Variants in DGKI observed in about 807,000 individuals in gnomAD.
DGKI encodes the protein diacylglycerol kinase iota.
A neutral mutation model predicts 147.5 loss-of-function variants in DGKI; 55 were observed. That is an observed-to-expected ratio of 0.37 (90% CI 0.30 to 0.47). The LOEUF (loss-of-function observed/expected upper bound fraction) is 0.47. Ranked by LOEUF, DGKI falls within the 20% of genes least tolerant of loss-of-function variation. The pLI is 1.00. For synonymous variants in DGKI, 469 were observed against 477.1 expected (o/e 0.98, Z 0.22); for missense variants, 1,007 against 1,323.8 (o/e 0.76, Z 3.71).
intron 28 of DGKI, among the ~76,000 whole-genome samples, chr7:137,425,890 G>A (rs112271411): frequency 0.019 from 2,817 of 152,188 alleles, 77 homozygotes; most frequent in African/African-American, 0.064. Context: ...CAAGAAATAT[G>A]GGACTATGTG....
intron 29 of DGKI, among the ~76,000 whole-genome samples, chr7:137,409,203 T>G (rs1343231324): frequency 1.3e-5 from 2 of 152,206 alleles, no homozygotes; most frequent in South Asian, 4.1e-4. Flanking sequence ...AACATCACTA[T>G]GTACTCTATT....
intron 3 of DGKI, among the ~76,000 whole-genome samples, chr7:137,666,281 T>C (rs1229886867): frequency 6.6e-6 from 1 of 152,192 alleles, no homozygotes; most frequent in Non-Finnish European, 1.5e-5. Context: ...AGCAAGCCTG[T>C]GGTCCCTGAT....
chr7:137,421,605 T>C (rs1812574062), intron 28 of DGKI, among the ~76,000 whole-genome samples: 1 of 152,236 alleles, frequency 6.6e-6, no homozygotes, highest in African/African-American at 2.4e-5. Context: ...ACCACTGGAA[T>C]TGGCTATAAA....
chr7:137,466,486 ATT>A (rs34097048), intron 25 of DGKI, among the ~76,000 whole-genome samples: 3 of 150,364 alleles, frequency 2.0e-5, no homozygotes, highest in African/African-American at 7.3e-5. Flanking sequence ...GGGCAAAACC[ATT>A]TTTTTTTTCT....
At chr7:137,787,729 G>C (rs879525685) in intron 1 of DGKI, among the ~76,000 whole-genome samples, 1 of 152,142 alleles carries the variant, frequency 6.6e-6, no homozygotes, top group South Asian at 2.1e-4. Context: ...CAATCAATGA[G>C]TGGATAAAGA....
intron 2 of DGKI, among the ~76,000 whole-genome samples, chr7:137,681,842 G>A (rs1474326807): frequency 6.6e-6 from 1 of 152,262 alleles, no homozygotes; most frequent in Non-Finnish European, 1.5e-5. Flanking sequence ...TTGTTTGTCT[G>A]GCGGCCTTGG....
rs911372842 is a variant in DGKI at position 137,457,314 on chromosome 7, C to T, written c.2735+6175G>A. 4.6e-5 allele frequency among the ~76,000 whole-genome samples: 7 copies of T among 152,136 alleles called. 1 individual carries two copies. The East Asian group carries it at 7.7e-4, about 17-fold the overall frequency. Reference sequence around the variant, plus strand: ...CCCACTAAGAAGATTAATTTTCTCCCGCTTATCTGATTGTGAAGCTGAAAG... The same window carrying T: ...CCCACTAAGAAGATTAATTTTCTCCTGCTTATCTGATTGTGAAGCTGAAAG... On this transcript the variant is annotated intron_variant, in intron 27 of 32. Transcript: ENST00000614521.
Position 137,811,384 on chromosome 7 carries a change from T to A in DGKI, c.401+35078A>T, listed in dbSNP as rs6943422. 2.2e-3 allele frequency among the ~76,000 whole-genome samples: 292 copies of A among 132,202 alleles called. 1 individual carries two copies. Among genetic ancestry groups the A allele is most frequent in the Middle Eastern group, 3.9e-3 (1 of 258 alleles). 86.7% of individuals were successfully genotyped at this position (132,202 alleles called of 152,430 possible). On this transcript the variant is annotated intron_variant, in intron 1 of 32. Transcript: ENST00000614521. ...CTCTCCCTCTCTCTCTCTCTCTCTC[T>A]CACACACACACACACACACACACAC...
intron 1 of DGKI, among the ~76,000 whole-genome samples, chr7:137,703,081 A>G (rs1452406892): frequency 6.6e-6 from 1 of 152,194 alleles, no homozygotes; most frequent in African/African-American, 2.4e-5. Context: ...TGGGTAATTT[A>G]TGAAAAAAAA....
At chr7:137,710,457 G>A (rs1320936515) in intron 1 of DGKI, among the ~76,000 whole-genome samples, 1 of 151,948 alleles carries the variant, frequency 6.6e-6, no homozygotes, top group Non-Finnish European at 1.5e-5. Flanking sequence ...AAGACAGTCA[G>A]AAACAGACCA....
intron 1 of DGKI, among the ~76,000 whole-genome samples, chr7:137,804,414 T>G (rs1413017301): frequency 2.0e-5 from 3 of 152,382 alleles, no homozygotes; most frequent in Admixed American, 1.3e-4. Flanking sequence ...GATGCCCTGT[T>G]CATTCGTCAG....
intron 1 of DGKI, among the ~76,000 whole-genome samples, chr7:137,754,460 G>A (rs1795617993): frequency 6.6e-6 from 1 of 152,278 alleles, no homozygotes; most frequent in Non-Finnish European, 1.5e-5. Context: ...ACCAGCTCAG[G>A]GTTTCCCACC....
At chr7:137,451,803 C>T (rs551098981) in intron 27 of DGKI, among the ~76,000 whole-genome samples, 3 of 152,260 alleles carry the variant, frequency 2.0e-5, no homozygotes, top group African/African-American at 7.2e-5. Flanking sequence ...CTTTTCATTT[C>T]AATAACACTG....
chr7:137,541,046 G>A (rs900718388), intron 20 of DGKI, among the ~76,000 whole-genome samples: 21 of 152,142 alleles, frequency 1.4e-4, no homozygotes, highest in African/African-American at 5.1e-4. Flanking sequence ...TTCTAAAAAT[G>A]TGTATGGAAA....
At chr7:137,463,339 G>T (rs891829434) in intron 27 of DGKI, 150 bp downstream of exon 27, 2 of 1,124,664 alleles carry the variant, frequency 1.8e-6, no homozygotes, top group Non-Finnish European at 2.5e-6. Flanking sequence ...TGAGCAAGGT[G>T]CATGGAATGA....
intron 20 of DGKI, chr7:137,545,931 G>A (rs753020642): frequency 5.7e-6 from 4 of 702,600 alleles, no homozygotes; most frequent in South Asian, 3.0e-5. Context: ...GCAGACACTC[G>A]CCGCAGGTCC....
intron 28 of DGKI, among the ~76,000 whole-genome samples, chr7:137,412,471 G>A (rs1240342225): frequency 1.3e-5 from 2 of 152,098 alleles, no homozygotes; most frequent in Non-Finnish European, 2.9e-5. Context: ...CACGCAAATT[G>A]GGTTCAAATC....
intron 23 of DGKI, among the ~76,000 whole-genome samples, chr7:137,481,757 T>G (rs1815381178): frequency 6.6e-6 from 1 of 152,060 alleles, no homozygotes; most frequent in Admixed American, 6.6e-5. Flanking sequence ...CTTGGGCACG[T>G]GTACACCTTT....
intron 1 of DGKI, among the ~76,000 whole-genome samples, chr7:137,785,336 C>T (rs1456663098): frequency 1.3e-5 from 2 of 150,812 alleles, no homozygotes; most frequent in Non-Finnish European, 1.5e-5. Context: ...ACTATGAACA[C>T]CTTCACGTGC....
Sources: gnomAD v4.1 joint callset for allele counts (sites outside exome capture counted in the v4.1 genomes callset) on GRCh38, gnomAD v4.1.1 for gene constraint, MANE v1.5 for transcripts, NCBI Gene and HGNC (gene_info 2026-07-23, HGNC 2026-07-21) for gene names.